The following HPSE2 variants were observed in gnomAD, a reference collection of about 807,000 sequenced individuals.
HPSE2 encodes the protein heparanase 2 (inactive), also known as inactive heparanase-2.
Under a neutral mutation model 60.5 loss-of-function variants are expected in HPSE2, and 38 were observed. That is an observed-to-expected ratio of 0.63 (90% CI 0.48 to 0.82). The LOEUF (loss-of-function observed/expected upper bound fraction) is 0.82, where lower values mean the gene tolerates loss of function less well. HPSE2 is among the 40% of genes least tolerant of loss of function. HPSE2 has a pLI of 0.00. For missense variants in HPSE2, 713 were observed against 740.4 expected, an observed-to-expected ratio of 0.96 and a Z score of 0.43; for synonymous variants, 295 against 293.2, an observed-to-expected ratio of 1.01 and a Z score of -0.06.
chr10:99,207,406 T>G lies in HPSE2; in HGVS notation c.448+24942A>C, dbSNP rs1333796922. On this transcript the variant is annotated intron_variant, in intron 2 of 11. Transcript: ENST00000370552. Reference sequence around the variant, plus strand: ...GTCTTTTAAGAAATGCTAAAGGGAGTTCTGAAAGAAAAAGATGCTAACTAG... The same window carrying G: ...GTCTTTTAAGAAATGCTAAAGGGAGGTCTGAAAGAAAAAGATGCTAACTAG... 2.6e-5 allele frequency among the ~76,000 whole-genome samples: 4 copies of G among 151,498 alleles called. No individual in the cohort carries two copies. In the South Asian group the frequency reaches 6.3e-4, roughly 24 times the overall value.
chr10:99,107,701 G>C (rs1844302769), intron 3 of HPSE2, among the ~76,000 whole-genome samples: 1 of 152,042 alleles, frequency 6.6e-6, no homozygotes, highest in Non-Finnish European at 1.5e-5. Flanking sequence ...GTTAATAAAT[G>C]ACTGACTGAT....
Position 99,235,769 on chromosome 10 carries a change from G to A in HPSE2, c.34C>T (p.Pro12Ser). 1 of 1,613,788 alleles carries A rather than the reference G, an allele frequency of 6.2e-7. No homozygotes were observed. Among genetic ancestry groups the A allele is most frequent in the Non-Finnish European group, 8.5e-7 (1 of 1,179,928 alleles). The change falls in exon 1 of 12, where the codon CCC (proline) becomes TCC (serine). Residue 12 changes from proline to serine, a missense_variant. Transcript: ENST00000370552. ...RVLCAFPEAM[P>S]SSNSRPPACL... ...GCGGGGGGGCGGGAGTTGCTGGAGG[G>A]CATGGCTTCAGGGAAGGCACAAAGC...
At chr10:98,648,772 C>T (rs1181458655) in intron 6 of HPSE2, among the ~76,000 whole-genome samples, 2 of 151,900 alleles carry the variant, frequency 1.3e-5, no homozygotes, top group South Asian at 2.1e-4. Flanking sequence ...TTTTAAACTA[C>T]AAAACACATA....
chr10:99,272,945 A>G, the HPSE2 span, among the ~76,000 whole-genome samples: 3 of 152,196 alleles, frequency 2.0e-5, no homozygotes, highest in African/African-American at 7.2e-5. Context: ...AGAAGTCATT[A>G]CTTGAAAAAG....
rs529947951 is a variant in HPSE2 at position 98,643,106 on chromosome 10, A to G, written c.1005-1166T>C. On this transcript the variant is annotated intron_variant, in intron 6 of 11. Transcript: ENST00000370552. ...TCACTTATGACTTTACAACATTTCC[A>G]CAGAATCCAGTGCTTAAACCATTGG... is the stretch of plus-strand genomic sequence containing the variant. Among the ~76,000 whole-genome samples, 2 of 152,304 alleles carry G rather than the reference A, an allele frequency of 1.3e-5. 1 individual carries two copies. Among genetic ancestry groups the G allele is most frequent in the South Asian group, 4.1e-4 (2 of 4,826 alleles).
At position 99,095,321 on chromosome 10, in the gene HPSE2, T is replaced by C. The variant is rs190367026; in HGVS notation, c.610+48917A>G. On this transcript the variant is annotated intron_variant, in intron 3 of 11. Transcript: ENST00000370552. ...TTAGTTTCATCTCATTTAATGCTTTTTAGTTTAACATTCACTTTCACTGAT... is the reference window on the plus strand; with the variant it reads ...TTAGTTTCATCTCATTTAATGCTTTCTAGTTTAACATTCACTTTCACTGAT... Among the ~76,000 whole-genome samples, 13 of 152,360 alleles carry C rather than the reference T, an allele frequency of 8.5e-5. No homozygotes were observed. In the East Asian group the frequency reaches 2.5e-3, roughly 29 times the overall value.
intron 9 of HPSE2, among the ~76,000 whole-genome samples, chr10:98,516,112 G>A (rs781415868): frequency 1.6e-4 from 24 of 152,168 alleles, no homozygotes; most frequent in Non-Finnish European, 3.1e-4. Context: ...AGAAGGGTCC[G>A]TGTTTGTTCA....
intron 4 of HPSE2, among the ~76,000 whole-genome samples, chr10:98,727,484 C>T (rs61248224): frequency 1.4e-4 from 22 of 152,156 alleles, no homozygotes; most frequent in Admixed American, 4.6e-4. Context: ...AACCCTGTCT[C>T]TACTAAAAAT....
At chr10:98,936,171 C>A (rs11189885) in intron 3 of HPSE2, among the ~76,000 whole-genome samples, 80,120 of 143,226 alleles carry the variant, frequency 0.56, 27,526 homozygotes, top group East Asian at 0.68. Context: ...TTCGATCCCC[C>A]CAGGCAGACT....
At chr10:98,916,279 C>A (rs532624892) in intron 3 of HPSE2, among the ~76,000 whole-genome samples, 76 of 152,282 alleles carry the variant, frequency 5.0e-4, no homozygotes, top group Non-Finnish European at 1.0e-3. Flanking sequence ...ACAAATTGCT[C>A]TTGATTTATC....
intron 2 of HPSE2, among the ~76,000 whole-genome samples, chr10:99,208,120 C>G (rs1298715817): frequency 3.3e-5 from 5 of 151,494 alleles, no homozygotes; most frequent in Non-Finnish European, 7.4e-5. Context: ...CTTTCTTCCT[C>G]TTTCTCTCTC....
intron 2 of HPSE2, among the ~76,000 whole-genome samples, chr10:99,147,826 G>A (rs1846111100): frequency 6.6e-6 from 1 of 152,132 alleles, no homozygotes; most frequent in South Asian, 2.1e-4. Context: ...TCTGGAGGAA[G>A]AGTTAGTATC....
chr10:98,619,225 G>C (rs1946005879), intron 8 of HPSE2, among the ~76,000 whole-genome samples: 1 of 152,152 alleles, frequency 6.6e-6, no homozygotes, highest in Admixed American at 6.5e-5. Flanking sequence ...TGGTTCTTAG[G>C]AGGACATTGC....
At chr10:99,160,033 C>A (rs552749065) in intron 2 of HPSE2, among the ~76,000 whole-genome samples, 2 of 151,410 alleles carry the variant, frequency 1.3e-5, no homozygotes, top group East Asian at 3.9e-4. Flanking sequence ...CCCAGCGACT[C>A]GGGAGGCTGA....
chr10:98,677,730 T>C (rs926198253), intron 6 of HPSE2, among the ~76,000 whole-genome samples: 1 of 152,198 alleles, frequency 6.6e-6, no homozygotes, highest in African/African-American at 2.4e-5. Context: ...ATACAAGAGA[T>C]AGATAATCTA....
At chr10:98,730,551 C>CAA (rs1261828265) in intron 4 of HPSE2, among the ~76,000 whole-genome samples, 1 of 151,400 alleles carries the variant, frequency 6.6e-6, no homozygotes, top group East Asian at 1.9e-4. Flanking sequence ...GAAAAGACCA[C>CAA]AAAACCGATA....
At chr10:98,620,545 ATTCACTGTCC>A in intron 8 of HPSE2, 47 bp downstream of exon 8, 1 of 1,257,302 alleles carries the variant, frequency 8.0e-7, no homozygotes, top group Non-Finnish European at 1.2e-6. Flanking sequence ...AACACCAGAG[ATTCACTGTCC>A]TTCCCTCCTG....
chr10:99,083,707 T>C (rs1193754963), intron 3 of HPSE2, among the ~76,000 whole-genome samples: 1 of 152,200 alleles, frequency 6.6e-6, no homozygotes, highest in Admixed American at 6.5e-5. Context: ...AAGTTCTCTA[T>C]CCCTTCTCAA....
intron 7 of HPSE2, among the ~76,000 whole-genome samples, chr10:98,634,342 G>A (rs552336844): frequency 5.3e-5 from 8 of 152,230 alleles, no homozygotes; most frequent in Admixed American, 3.9e-4. Context: ...AATGAATGAG[G>A]GAATTAATGA....
Sources: allele counts gnomAD v4.1 joint callset (sites outside exome capture counted in the v4.1 genomes callset), GRCh38; gene constraint gnomAD v4.1.1; transcripts MANE v1.5; gene names NCBI Gene and HGNC (gene_info 2026-07-23, HGNC 2026-07-21).